The following MGMT variants were observed in gnomAD, a reference collection of about 807,000 sequenced individuals.
MGMT encodes methylated-DNA--protein-cysteine methyltransferase.
A neutral mutation model predicts 15.9 loss-of-function variants in MGMT; 14 were observed. The ratio of observed to expected loss-of-function variants is 0.88; its 90% CI spans 0.58 to 1.37. The LOEUF (loss-of-function observed/expected upper bound fraction) is 1.37, where lower values mean the gene tolerates loss of function less well. Ranked by LOEUF, MGMT falls within the 40% of genes most tolerant of loss-of-function variation. The pLI is 0.00. For missense variants in MGMT, 282 were observed against 268.1 expected (o/e 1.05, Z -0.36); for synonymous variants, 130 against 118.2 (o/e 1.10, Z -0.65).
intron 3 of MGMT, among the ~76,000 whole-genome samples, chr10:129,719,703 T>G (rs1306791553): frequency 1.3e-5 from 2 of 152,080 alleles, no homozygotes; most frequent in Non-Finnish European, 2.9e-5. Flanking sequence ...CTTCTTCACC[T>G]CTTAAAGACC....
intron 1 of MGMT, among the ~76,000 whole-genome samples, chr10:129,470,104 T>C (rs757750449): frequency 6.6e-6 from 1 of 152,174 alleles, no homozygotes; most frequent in Non-Finnish European, 1.5e-5. Flanking sequence ...GTGGTCTTTA[T>C]ATAGACACTC....
chr10:129,476,405 C>T (rs1292982955), intron 1 of MGMT, among the ~76,000 whole-genome samples: 3 of 152,256 alleles, frequency 2.0e-5, no homozygotes, highest in Admixed American at 1.3e-4. Context: ...AGACGCTTCT[C>T]CCCCAGCTGT....
intron 2 of MGMT, among the ~76,000 whole-genome samples, chr10:129,570,128 T>C (rs1336541062): frequency 2.0e-5 from 3 of 152,260 alleles, no homozygotes; most frequent in African/African-American, 7.2e-5. Flanking sequence ...CGCAGCAGAC[T>C]GCCCACACAT....
At chr10:129,646,309 C>T (rs932375831) in intron 2 of MGMT, among the ~76,000 whole-genome samples, 2 of 152,042 alleles carry the variant, frequency 1.3e-5, no homozygotes, top group Non-Finnish European at 2.9e-5. Flanking sequence ...GGGGGATTTA[C>T]GTTGGCCTAT....
chr10:129,563,098 C>T (rs1459687623), intron 2 of MGMT, among the ~76,000 whole-genome samples: 3 of 152,138 alleles, frequency 2.0e-5, no homozygotes. Flanking sequence ...GTTGTGAGCA[C>T]GTTTAAGGCA....
intron 2 of MGMT, among the ~76,000 whole-genome samples, chr10:129,608,105 G>T (rs898885837): frequency 1.2e-4 from 19 of 152,204 alleles, no homozygotes; most frequent in African/African-American, 4.6e-4. Context: ...CATCCAAAAC[G>T]ACTTGGAGCC....
intron 2 of MGMT, among the ~76,000 whole-genome samples, chr10:129,684,611 G>A (rs1225013418): frequency 1.3e-5 from 2 of 152,196 alleles, no homozygotes; most frequent in Non-Finnish European, 2.9e-5. Flanking sequence ...CCAGCCAACA[G>A]CATTGAAAGG....
chr10:129,727,231 C>T (rs542640179), intron 3 of MGMT, among the ~76,000 whole-genome samples: 11 of 152,142 alleles, frequency 7.2e-5, no homozygotes, highest in Non-Finnish European at 1.3e-4. Flanking sequence ...GTGCGACTTC[C>T]GAGGCTAGGT....
intron 3 of MGMT, among the ~76,000 whole-genome samples, chr10:129,737,657 GCT>G (rs1245157898): frequency 5.9e-5 from 9 of 152,326 alleles, no homozygotes; most frequent in East Asian, 5.8e-4. Context: ...CAGTTTTTCT[GCT>G]CTGTTTTTTC....
In MGMT at chr10:129,766,439, G is replaced by T. The variant is rs185219727; in HGVS notation, c.415-349G>T. Among the ~76,000 whole-genome samples, 52 of 152,314 alleles carry T rather than the reference G, an allele frequency of 3.4e-4. 2 individuals carry two copies. The highest frequency in any genetic ancestry group is 6.8e-3 in the Middle Eastern group (2 of 294). Reference sequence around the variant, plus strand: ...TCACATACCACCAGAACTCGGAAACGTAGTTTTCAGTTTTGTAAGCGAACG... The same window carrying T: ...TCACATACCACCAGAACTCGGAAACTTAGTTTTCAGTTTTGTAAGCGAACG... On this transcript the variant is annotated intron_variant, in intron 4 of 4. Coordinates refer to ENST00000651593, the MANE Select transcript of MGMT (RefSeq NM_002412.5).
At chr10:129,643,160 C>T (rs1313602457) in intron 2 of MGMT, among the ~76,000 whole-genome samples, 1 of 152,088 alleles carries the variant, frequency 6.6e-6, no homozygotes, top group Non-Finnish European at 1.5e-5. Flanking sequence ...TCACCTTCAT[C>T]CTTGGGCCCA....
At chr10:129,689,489 A>T (rs1043892723) in intron 2 of MGMT, among the ~76,000 whole-genome samples, 1 of 152,202 alleles carries the variant, frequency 6.6e-6, no homozygotes, top group African/African-American at 2.4e-5. Context: ...AGTGCTGGAG[A>T]TAGTAGCTTG....
intron 1 of MGMT, among the ~76,000 whole-genome samples, chr10:129,469,578 ACCCTGCAGGG>A (rs1845207456): frequency 6.6e-6 from 1 of 151,932 alleles, no homozygotes; most frequent in African/African-American, 2.4e-5. Flanking sequence ...AGCCTCCCAG[ACCCTGCAGGG>A]CCCTGTGCTC....
intron 4 of MGMT, 51 bp downstream of exon 4, chr10:129,759,392 G>A: frequency 6.2e-7 from 1 of 1,611,928 alleles, no homozygotes; most frequent in Non-Finnish European, 8.5e-7. Context: ...GCGTGCAGGT[G>A]GCAGGGTGTC....
intron 2 of MGMT, among the ~76,000 whole-genome samples, chr10:129,684,519 T>G (rs1216828744): frequency 6.6e-6 from 1 of 152,246 alleles, no homozygotes; most frequent in African/African-American, 2.4e-5. Context: ...ATCTTTTCTG[T>G]GTGTTTTCAA....
chr10:129,500,174 T>C (rs1324204966), intron 1 of MGMT, among the ~76,000 whole-genome samples: 1 of 152,216 alleles, frequency 6.6e-6, no homozygotes, highest in Non-Finnish European at 1.5e-5. Flanking sequence ...ACTTCAACAA[T>C]GTAGAGGAAT....
At chr10:129,480,714 CA>C (rs1845348257) in intron 1 of MGMT, among the ~76,000 whole-genome samples, 1 of 152,150 alleles carries the variant, frequency 6.6e-6, no homozygotes, top group Admixed American at 6.5e-5. Flanking sequence ...CCCGTCTCTA[CA>C]AAAACATTTT....
At chr10:129,736,657 T>G (rs1382161456) in intron 3 of MGMT, among the ~76,000 whole-genome samples, 1 of 152,174 alleles carries the variant, frequency 6.6e-6, no homozygotes, top group Non-Finnish European at 1.5e-5. Flanking sequence ...TTCCTAGTCT[T>G]GATGGTCTAC....
Position 129,565,170 on chromosome 10 carries a change from C to T in MGMT, c.125+28793C>T, listed in dbSNP as rs573778385. Among the ~76,000 whole-genome samples, 73 of 152,206 alleles carry T rather than the reference C, an allele frequency of 4.8e-4. 2 individuals carry two copies. The South Asian group carries it at 0.015, about 30-fold the overall frequency. On this transcript the variant is annotated intron_variant, in intron 2 of 4. Transcript: ENST00000651593. ...CCTGCTCCTCGTGTGGGGCCCGGCG[C>T]GAAAACAGCTTGTGCAGCCGCTGAG...
Sources: gnomAD v4.1 joint callset for allele counts (sites outside exome capture counted in the v4.1 genomes callset) on GRCh38, gnomAD v4.1.1 for gene constraint, MANE v1.5 for transcripts, NCBI Gene and HGNC (gene_info 2026-07-23, HGNC 2026-07-21) for gene names.